The following UPF3B variants were observed in gnomAD, a reference collection of about 807,000 sequenced individuals.
The protein encoded by UPF3B is regulator of nonsense transcripts 3B.
UPF3B carries 7 observed loss-of-function variants against 40.3 expected under a neutral mutation model. That is an observed-to-expected ratio of 0.17 (90% CI 0.10 to 0.33). UPF3B has a LOEUF of 0.33. Among genes scored for constraint, UPF3B ranks in the 10% least tolerant of loss-of-function variants. The probability of loss-of-function intolerance (pLI) is 1.00; values close to 1 mark genes in which losing one functional copy is unlikely to be tolerated. For missense variants in UPF3B, 229 were observed against 358.9 expected (o/e 0.64, Z 2.93); for synonymous variants, 117 against 117.3 (o/e 1.00, Z 0.01).
rs768583660 is a variant in UPF3B at position 119,826,874 on chromosome X, T to G, written c.393-3831A>C. 4.5e-5 allele frequency among the ~76,000 whole-genome samples: 5 copies of G among 112,101 alleles called. No individual in the cohort carries two copies. The South Asian group carries it at 1.9e-3, about 42-fold the overall frequency. On this transcript the variant is annotated intron_variant, in intron 3 of 6. Coordinates refer to the UPF3B transcript ENST00000636792. ...TGAAAGTGATCCAGTCAAAGCGAAA[T>G]GGACTGGCCAAGAGCAAAGGTCATG...
chrX:119,810,170 C>G (rs1441553714), intron 5 of UPF3B, among the ~76,000 whole-genome samples: 3 of 112,177 alleles, frequency 2.7e-5, no homozygotes, highest in Non-Finnish European at 5.6e-5. Flanking sequence ...TTACAGAATT[C>G]TGACTGAAAA....
chrX:119,820,626 A>ATTTTTTTTTTTTT (rs370271993), intron 4 of UPF3B, among the ~76,000 whole-genome samples: 1 of 90,168 alleles, frequency 1.1e-5, no homozygotes, highest in African/African-American at 4.3e-5. Flanking sequence ...AGCCTGGCCA[A>ATTTTTTTTTTTTT]TTTTTTTTTT....
Position 119,841,084 on chromosome X carries a change from T to C in UPF3B, c.799A>G (p.Lys267Glu). The C allele has an allele frequency of 8.3e-7, 1 of 1,210,633 alleles. No individual in the cohort carries two copies. The highest frequency in any genetic ancestry group is 1.1e-6 in the Non-Finnish European group (1 of 894,936). The change falls in exon 7 of 11, where the codon AAG becomes GAG. Residue 267 changes from lysine (K) to glutamate (E), a missense_variant. Lys to Glu is a moderately conservative substitution (Grantham distance 56). Transcript: ENST00000276201. The stretch of plus-strand genomic sequence containing the variant: ...TTTCAACATTCTTATACCTTAATCT[T>C]TGGTTCATCCTTTAATTTGTCCCTT... ...PERDKLKDEPKIKVHRFLLQA... is the reference protein window; with the variant it reads ...PERDKLKDEPEIKVHRFLLQA...
chrX:119,815,583 A>C (rs974907813), intron 4 of UPF3B, among the ~76,000 whole-genome samples: 10 of 111,516 alleles, frequency 9.0e-5, no homozygotes, highest in Middle Eastern at 4.2e-3. Context: ...AAATGGCAAG[A>C]TTGCAGCTCA....
At chrX:119,830,317 T>C (rs901976892), downstream of UPF3B, among the ~76,000 whole-genome samples, 55 of 110,858 alleles carry the variant, frequency 5.0e-4, no homozygotes, top group African/African-American at 1.7e-3. Flanking sequence ...GTTGGGGTTA[T>C]GGGGCAGATC....
chrX:119,840,963 GAACA>G (rs1445881965), intron 7 of UPF3B, 109 bp downstream of exon 7: 15 of 876,913 alleles, frequency 1.7e-5, no homozygotes, highest in Non-Finnish European at 2.3e-5. Flanking sequence ...CCCCAAAAGA[GAACA>G]AAAACAAAAC....
intron 4 of UPF3B, among the ~76,000 whole-genome samples, chrX:119,819,842 CTTTTTTTT>C (rs34094727): frequency 7.3e-5 from 5 of 68,641 alleles, no homozygotes; most frequent in Non-Finnish European, 1.4e-4. Context: ...TCTATTTTTC[CTTTTTTTT>C]TTTTTTTTTT....
At position 119,844,062 on chromosome X, in the gene UPF3B, T is replaced by C. The variant is rs6646493; in HGVS notation, c.470-761A>G. On this transcript the variant is annotated intron_variant, in intron 4 of 10. Transcript: ENST00000276201. Reference sequence around the variant, plus strand: ...CTTGTATTTCTTTCTTTCTTTCTTTTTTTTTGAGACGGAGTTTTGCTTTTG... The same window carrying C: ...CTTGTATTTCTTTCTTTCTTTCTTTCTTTTTGAGACGGAGTTTTGCTTTTG... Among the ~76,000 whole-genome samples the C allele has an allele frequency of 2.1e-3, 238 of 111,697 alleles. 1 individual carries two copies. In the East Asian group the frequency reaches 0.034, roughly 16 times the overall value.
downstream of UPF3B, among the ~76,000 whole-genome samples, chrX:119,830,503 G>A (rs2056024872): frequency 9.0e-6 from 1 of 111,097 alleles, no homozygotes; most frequent in Non-Finnish European, 1.9e-5. Context: ...GAAGCTGAGC[G>A]ATGTCAGATG....
chrX:119,840,504 C>A (rs1157331723), intron 8 of UPF3B, 142 bp downstream of exon 8: 6 of 475,034 alleles, frequency 1.3e-5, no homozygotes, highest in Non-Finnish European at 2.1e-5. Flanking sequence ...TAAAATAGCT[C>A]AGCTTTTAAG....
intron 3 of UPF3B, among the ~76,000 whole-genome samples, chrX:119,850,232 C>T (rs1172103398): frequency 2.7e-5 from 3 of 111,270 alleles, no homozygotes; most frequent in African/African-American, 9.8e-5. Flanking sequence ...CCAGGAATTC[C>T]AGGCTGCAGT....
At chrX:119,823,582 G>C (rs866673989) in intron 3 of UPF3B, among the ~76,000 whole-genome samples, 19 of 71,156 alleles carry the variant, frequency 2.7e-4, no homozygotes, top group Admixed American at 2.1e-4. Flanking sequence ...TTTTTTGTCT[G>C]AGACAGAGTC....
intron 3 of UPF3B, among the ~76,000 whole-genome samples, chrX:119,827,172 T>C (rs2055987337): frequency 9.0e-6 from 1 of 110,811 alleles, no homozygotes; most frequent in South Asian, 3.7e-4. Context: ...TCTGACTTCT[T>C]TTTGTTTCCT....
chrX:119,843,673 T>C (rs1394127633), intron 4 of UPF3B, among the ~76,000 whole-genome samples: 1 of 112,446 alleles, frequency 8.9e-6, no homozygotes. Flanking sequence ...CTTGAGGTGA[T>C]GGGAATTCCT....
At chrX:119,833,488 C>T (rs190907757), downstream of UPF3B, among the ~76,000 whole-genome samples, 40 of 111,119 alleles carry the variant, frequency 3.6e-4, no homozygotes, top group Non-Finnish European at 6.8e-4. Context: ...TACAGGTGCA[C>T]ACCACTATGC....
chrX:119,840,073 C>T (rs761614003), intron 8 of UPF3B, among the ~76,000 whole-genome samples: 4 of 111,626 alleles, frequency 3.6e-5, no homozygotes, highest in African/African-American at 1.3e-4. Context: ...GACCCTGCCA[C>T]CCTCTCTGTG....
At chrX:119,831,198 G>A (rs746830437), downstream of UPF3B, among the ~76,000 whole-genome samples, 12 of 111,680 alleles carry the variant, frequency 1.1e-4, no homozygotes, top group Admixed American at 4.8e-4. Flanking sequence ...CGAGCAGAGC[G>A]ACCCCCTTTC....
intron 5 of UPF3B, among the ~76,000 whole-genome samples, chrX:119,813,495 T>C (rs1018284122): frequency 5.4e-5 from 6 of 111,095 alleles, no homozygotes; most frequent in African/African-American, 9.8e-5. Context: ...AGCTGAGCAA[T>C]GTGAGATTCC....
At chrX:119,844,500 T>C (rs1347274151) in intron 4 of UPF3B, among the ~76,000 whole-genome samples, 1 of 112,265 alleles carries the variant, frequency 8.9e-6, no homozygotes. Context: ...CCTTCTTCTT[T>C]ATAAATATAA....
Sources: gnomAD v4.1 joint callset for allele counts (sites outside exome capture counted in the v4.1 genomes callset) on GRCh38, gnomAD v4.1.1 for gene constraint, MANE v1.5 for transcripts, NCBI Gene and HGNC (gene_info 2026-07-23, HGNC 2026-07-21) for gene names.